Variants in FHL2 observed in about 807,000 individuals in gnomAD.
The protein encoded by FHL2 is four and a half LIM domains 2, also known as four and a half LIM domains protein 2.
A neutral mutation model predicts 32.7 loss-of-function variants in FHL2; 20 were observed. The ratio of observed to expected loss-of-function variants is 0.61; its 90% CI spans 0.43 to 0.89. The LOEUF is 0.89. Ranked by LOEUF, FHL2 falls within the 40% of genes least tolerant of loss-of-function variation. The pLI is 0.00. For synonymous variants in FHL2, 123 were observed against 128.1 expected, an observed-to-expected ratio of 0.96 and a Z score of 0.27; for missense variants, 311 against 358.6, an observed-to-expected ratio of 0.87 and a Z score of 1.07.
intron 1 of FHL2, among the ~76,000 whole-genome samples, chr2:105,436,957 T>C (rs188176790): frequency 2.0e-3 from 306 of 152,136 alleles, no homozygotes; most frequent in Admixed American, 4.1e-3. Flanking sequence ...CAGAGATCGG[T>C]AGAAAGAGTG....
rs558059921 is a variant in FHL2 at position 105,395,567 on chromosome 2, C to A, written c.-25+1080G>T. On this transcript the variant is annotated intron_variant, in intron 2 of 6. Transcript: ENST00000530340. ...GCAGTCCTGCCACTCTGTGGGGTTT[C>A]TCTGGCGCACTGCAACAGGACTCTG... Among the ~76,000 whole-genome samples, 6 of 152,336 alleles carry A rather than the reference C, an allele frequency of 3.9e-5. No homozygotes were observed. The South Asian group carries it at 1.0e-3, about 26-fold the overall frequency.
chr2:105,395,358 TTC>T (rs1365243984), intron 2 of FHL2, among the ~76,000 whole-genome samples: 2 of 152,162 alleles, frequency 1.3e-5, no homozygotes, highest in African/African-American at 4.8e-5. Context: ...TTACGAACAC[TTC>T]TACACCTACA....
At chr2:105,437,338 T>A (rs1343963300) in intron 1 of FHL2, among the ~76,000 whole-genome samples, 1 of 152,194 alleles carries the variant, frequency 6.6e-6, no homozygotes, top group Non-Finnish European at 1.5e-5. Context: ...AACCCTGACT[T>A]GGTCATTACA....
intron 1 of FHL2, among the ~76,000 whole-genome samples, chr2:105,421,764 C>T (rs550790207): frequency 3.3e-5 from 5 of 152,146 alleles, no homozygotes; most frequent in South Asian, 2.1e-4. Context: ...ACACTGATAT[C>T]GTAACTGTCA....
chr2:105,359,797 A>G (rs1023342549), downstream of FHL2: 2 of 152,188 alleles, frequency 1.3e-5, no homozygotes, highest in African/African-American at 4.8e-5. Flanking sequence ...TGAGAACATA[A>G]AGATGAACAG....
At chr2:105,435,200 T>C (rs1022896424) in intron 1 of FHL2, among the ~76,000 whole-genome samples, 1 of 152,368 alleles carries the variant, frequency 6.6e-6, no homozygotes, top group African/African-American at 2.4e-5. Context: ...ATATATTCCA[T>C]ACTATGGCTA....
chr2:105,421,685 G>T (rs1242479706), intron 1 of FHL2, among the ~76,000 whole-genome samples: 2 of 152,146 alleles, frequency 1.3e-5, no homozygotes, highest in Non-Finnish European at 2.9e-5. Context: ...AAGGCTGCTT[G>T]ATTGAGAAAG....
chr2:105,423,026 A>G (rs1684152152), intron 1 of FHL2, among the ~76,000 whole-genome samples: 1 of 152,274 alleles, frequency 6.6e-6, no homozygotes, highest in Admixed American at 6.5e-5. Flanking sequence ...CTCATAGTGG[A>G]AAGCAAGCTG....
chr2:105,393,810 C>A (rs1682910837), intron 2 of FHL2, among the ~76,000 whole-genome samples: 2 of 152,258 alleles, frequency 1.3e-5, no homozygotes, highest in East Asian at 3.8e-4. Flanking sequence ...TCCATCGCTG[C>A]CCTCGTCCCT....
upstream of FHL2, chr2:105,399,076 C>T (rs1405248308): frequency 5.4e-6 from 8 of 1,487,966 alleles, no homozygotes; most frequent in Non-Finnish European, 7.1e-6. Flanking sequence ...CTCCCGCCCT[C>T]GAGAAACCCC....
chr2:105,362,043 C>A (rs1037769489), intron 6 of FHL2, among the ~76,000 whole-genome samples: 1 of 152,124 alleles, frequency 6.6e-6, no homozygotes, highest in South Asian at 2.1e-4. Flanking sequence ...TTCTCAGTGC[C>A]ACAATAACCA....
At chr2:105,388,677 A>C (rs1270663753) in intron 2 of FHL2, among the ~76,000 whole-genome samples, 1 of 151,816 alleles carries the variant, frequency 6.6e-6, no homozygotes, top group Non-Finnish European at 1.5e-5. Flanking sequence ...ACAAAAAAAA[A>C]AAAAAAATTA....
In FHL2 at chr2:105,396,498, A is replaced by C. The variant is rs1683139094; in HGVS notation, c.-25+149T>G. Reference sequence around the variant, plus strand: ...ACCCATTCATATGTCAATCTCATCCAAAAACACCCTCCCAGACACACCCAG... The same window carrying C: ...ACCCATTCATATGTCAATCTCATCCCAAAACACCCTCCCAGACACACCCAG... On this transcript the variant is annotated intron_variant, in intron 2 of 6. Transcript: ENST00000530340. 1.7e-5 allele frequency: 11 copies of C among 664,186 alleles called. No individual in the cohort carries two copies. The South Asian group carries it at 2.1e-4, about 13-fold the overall frequency. 41.1% of individuals were successfully genotyped at this position (664,186 alleles called of 1,614,324 possible). A position where few individuals can be genotyped will look rare whatever the true frequency, so the allele number is the denominator to read the frequency against.
At chr2:105,374,076 C>T (rs1262633965) in intron 3 of FHL2, 3 of 325,494 alleles carry the variant, frequency 9.2e-6, no homozygotes, top group African/African-American at 6.4e-5. Flanking sequence ...TCGTCTCACA[C>T]CACATCCGGT....
At chr2:105,386,814 G>A (rs927583178) in intron 2 of FHL2, among the ~76,000 whole-genome samples, 2 of 140,370 alleles carry the variant, frequency 1.4e-5, no homozygotes, top group Non-Finnish European at 3.0e-5. Flanking sequence ...GCCCAGGCTG[G>A]AGTGCAGTGG....
chr2:105,365,558 A>G (rs1198999479), intron 5 of FHL2, among the ~76,000 whole-genome samples: 3 of 152,264 alleles, frequency 2.0e-5, no homozygotes, highest in African/African-American at 4.8e-5. Flanking sequence ...AAGGGGAGAG[A>G]ACAGGGAAGA....
At chr2:105,384,621 C>T (rs1682158162) in intron 3 of FHL2, among the ~76,000 whole-genome samples, 1 of 152,174 alleles carries the variant, frequency 6.6e-6, no homozygotes. Context: ...GATTCTCGTG[C>T]CTCAGCCTCT....
chr2:105,413,425 C>G (rs1683850982), intron 1 of FHL2, among the ~76,000 whole-genome samples: 1 of 151,834 alleles, frequency 6.6e-6, no homozygotes, highest in Non-Finnish European at 1.5e-5. Context: ...TAGCAGTTAA[C>G]AACAAAGCTA....
intron 1 of FHL2, chr2:105,438,300 C>T: frequency 1.1e-5 from 10 of 924,598 alleles, no homozygotes; most frequent in Non-Finnish European, 1.0e-5. Flanking sequence ...CTGGACACTC[C>T]CTCTGCATGC....
Sources: allele counts gnomAD v4.1 joint callset (sites outside exome capture counted in the v4.1 genomes callset), GRCh38; gene constraint gnomAD v4.1.1; transcripts MANE v1.5; gene names NCBI Gene and HGNC (gene_info 2026-07-23, HGNC 2026-07-21).